The following LDLRAD3 variants were observed in gnomAD, a reference collection of about 807,000 sequenced individuals.
The protein encoded by LDLRAD3 is low-density lipoprotein receptor class A domain-containing protein 3.
LDLRAD3 carries 20 observed loss-of-function variants against 29.4 expected under a neutral mutation model. That is an observed-to-expected ratio of 0.68 (90% CI 0.48 to 0.99). The LOEUF is 0.99. Ranked by LOEUF, LDLRAD3 falls within the 50% of genes least tolerant of loss-of-function variation. The pLI is 0.00. For synonymous variants in LDLRAD3, 157 were observed against 192.7 expected (o/e 0.81, Z 1.53); for missense variants, 420 against 454.3 (o/e 0.92, Z 0.69).
chr11:35,987,096 A>G (rs114647704), intron 1 of LDLRAD3, among the ~76,000 whole-genome samples: 16 of 152,332 alleles, frequency 1.1e-4, no homozygotes, highest in African/African-American at 2.6e-4. Context: ...TTGCTAATGT[A>G]GTTGTCTGCC....
At chr11:36,012,784 T>C (rs947218384) in intron 1 of LDLRAD3, among the ~76,000 whole-genome samples, 1 of 152,200 alleles carries the variant, frequency 6.6e-6, no homozygotes, top group African/African-American at 2.4e-5. Context: ...TGACTGAGGG[T>C]AACTGAAACT....
chr11:35,964,403 C>T (rs1851313706), intron 1 of LDLRAD3, among the ~76,000 whole-genome samples: 1 of 152,128 alleles, frequency 6.6e-6, no homozygotes, highest in South Asian at 2.1e-4. Context: ...TGGGCTTTTC[C>T]AGCCCCACAG....
chr11:36,067,156 T>G (rs1220321792), intron 2 of LDLRAD3, among the ~76,000 whole-genome samples: 1 of 152,186 alleles, frequency 6.6e-6, no homozygotes, highest in African/African-American at 2.4e-5. Context: ...TATGAAGTAC[T>G]CCTTGGCTTC....
At chr11:36,223,769 C>G (rs1855461518) in intron 4 of LDLRAD3, among the ~76,000 whole-genome samples, 1 of 151,694 alleles carries the variant, frequency 6.6e-6, no homozygotes, top group South Asian at 2.1e-4. Context: ...AAAAATACAT[C>G]TCACTGGAAT....
At chr11:36,147,788 A>G (rs1854219408) in intron 4 of LDLRAD3, among the ~76,000 whole-genome samples, 1 of 152,202 alleles carries the variant, frequency 6.6e-6, no homozygotes, top group Non-Finnish European at 1.5e-5. Context: ...GCCCTGTGGT[A>G]TTACAAGGGT....
At chr11:36,189,576 C>CTT (rs141355514) in intron 4 of LDLRAD3, among the ~76,000 whole-genome samples, 2 of 150,976 alleles carry the variant, frequency 1.3e-5, no homozygotes, top group Non-Finnish European at 3.0e-5. Context: ...CACGAATTTA[C>CTT]TTTTTTTTTA....
intron 4 of LDLRAD3, among the ~76,000 whole-genome samples, chr11:36,223,179 T>A (rs971366284): frequency 6.6e-6 from 1 of 152,212 alleles, no homozygotes; most frequent in Non-Finnish European, 1.5e-5. Context: ...CACTGAGTTA[T>A]GCAACATCAT....
At chr11:36,029,319 G>C (rs1341304977) in intron 1 of LDLRAD3, among the ~76,000 whole-genome samples, 2 of 152,170 alleles carry the variant, frequency 1.3e-5, no homozygotes, top group Non-Finnish European at 2.9e-5. Flanking sequence ...GTAGATGTCA[G>C]GTCTTCCCTA....
chr11:36,161,207 C>T (rs958129703), intron 4 of LDLRAD3, among the ~76,000 whole-genome samples: 3 of 152,154 alleles, frequency 2.0e-5, no homozygotes, highest in African/African-American at 7.2e-5. Context: ...AGATACTCCA[C>T]ATTAGTCAAG....
At chr11:36,034,587 G>C (rs1406568450) in intron 1 of LDLRAD3, among the ~76,000 whole-genome samples, 1 of 152,206 alleles carries the variant, frequency 6.6e-6, no homozygotes, top group Non-Finnish European at 1.5e-5. Context: ...TGCAGCAGAT[G>C]GTCTACAAGG....
chr11:35,977,932 A>G (rs1029794220), intron 1 of LDLRAD3, among the ~76,000 whole-genome samples: 10 of 152,202 alleles, frequency 6.6e-5, no homozygotes, highest in African/African-American at 2.2e-4. Context: ...AGGTACACAG[A>G]CGCTCAGACC....
intron 4 of LDLRAD3, among the ~76,000 whole-genome samples, chr11:36,191,878 TCTAA>T (rs1854959291): frequency 6.6e-6 from 1 of 151,972 alleles, no homozygotes; most frequent in Non-Finnish European, 1.5e-5. Flanking sequence ...GTAATTACTG[TCTAA>T]CTAAGGGGCT....
At position 36,150,186 on chromosome 11, in the gene LDLRAD3, A is replaced by C. The variant is rs187389529; in HGVS notation, c.454+51725A>C. ...CTTGGACACCGGTATCTGAGAACTG[A>C]GAACAATATTTGTTCCATAAATGAG... On this transcript the variant is annotated intron_variant, in intron 4 of 5. Transcript: ENST00000315571. Among the ~76,000 whole-genome samples, 143 of 152,290 alleles carry C rather than the reference A, an allele frequency of 9.4e-4. 2 individuals carry two copies. The East Asian group carries it at 0.021, about 22-fold the overall frequency.
At position 36,095,191 on chromosome 11, in the gene LDLRAD3, G is replaced by T. The variant is rs111884669; in HGVS notation, c.320-3136G>T. ...TGAGACCCTGTTTCTTAAAAAGGAA[G>T]AAAAAAGAGTCTCTCTAGAGAAGAG... On this transcript the variant is annotated intron_variant, in intron 3 of 5. Coordinates refer to ENST00000315571, the MANE Select transcript of LDLRAD3 (RefSeq NM_174902.4). Among the ~76,000 whole-genome samples the T allele has an allele frequency of 9.7e-3, 1,473 of 152,230 alleles. 26 individuals are homozygous for T. Among genetic ancestry groups the T allele is most frequent in the African/African-American group, 0.034 (1,405 of 41,552 alleles).
intron 1 of LDLRAD3, among the ~76,000 whole-genome samples, chr11:35,961,098 AT>A (rs1196917507): frequency 6.6e-6 from 1 of 152,226 alleles, no homozygotes; most frequent in Non-Finnish European, 1.5e-5. Flanking sequence ...GGACTGGGTG[AT>A]AAGGTCTCAT....
chr11:36,113,303 T>G (rs1853631008), intron 4 of LDLRAD3, among the ~76,000 whole-genome samples: 1 of 152,160 alleles, frequency 6.6e-6, no homozygotes. Context: ...ATCTCTCACT[T>G]GGAATACCCC....
chr11:36,000,607 C>G (rs981843310), intron 1 of LDLRAD3, among the ~76,000 whole-genome samples: 3 of 152,074 alleles, frequency 2.0e-5, no homozygotes, highest in African/African-American at 7.2e-5. Flanking sequence ...ATATTTAATG[C>G]TGTTAAACGG....
At chr11:35,958,748 G>A (rs991583377) in intron 1 of LDLRAD3, among the ~76,000 whole-genome samples, 1 of 152,102 alleles carries the variant, frequency 6.6e-6, no homozygotes, top group African/African-American at 2.4e-5. Flanking sequence ...GATATTCAAG[G>A]GTTGGGGAAG....
At chr11:36,140,997 TCTC>T (rs1854075563) in intron 4 of LDLRAD3, among the ~76,000 whole-genome samples, 3 of 104,712 alleles carry the variant, frequency 2.9e-5, no homozygotes, top group African/African-American at 1.1e-4. Flanking sequence ...GAGCTTTCTC[TCTC>T]TCTCTCTCTC....
Sources: allele counts gnomAD v4.1 joint callset (sites outside exome capture counted in the v4.1 genomes callset), GRCh38; gene constraint gnomAD v4.1.1; transcripts MANE v1.5; gene names NCBI Gene and HGNC (gene_info 2026-07-23, HGNC 2026-07-21).